The following ESRRB variants were observed in gnomAD, a reference collection of about 807,000 sequenced individuals.
ESRRB encodes estrogen related receptor beta.
Under a neutral mutation model 46.0 loss-of-function variants are expected in ESRRB, and 16 were observed. That is an observed-to-expected ratio of 0.35 (90% CI 0.24 to 0.53). The LOEUF is 0.53. Ranked by LOEUF, ESRRB falls within the 20% of genes least tolerant of loss-of-function variation. The pLI is 0.93. For synonymous variants in ESRRB, 246 were observed against 259.6 expected (o/e 0.95, Z 0.50); for missense variants, 488 against 607.4 (o/e 0.80, Z 2.07).
intron 1 of ESRRB, among the ~76,000 whole-genome samples, chr14:76,400,446 C>T (rs538784200): frequency 4.1e-4 from 63 of 152,298 alleles, no homozygotes; most frequent in African/African-American, 1.4e-3. Context: ...CAAAAGGAAC[C>T]GCTTCCATTG....
Position 76,498,764 on chromosome 14 carries a change from A to G in ESRRB, c.*306A>G. On this transcript the variant is annotated 3_prime_UTR_variant, in exon 7 of 7. Transcript: ENST00000644823. ...CTGACTCCCTTCAGGAGTGGAGGCC[A>G]CTGGAGCAAGTGCCCTCTCCCCTCC... 1.3e-6 allele frequency: 1 copy of G among 776,232 alleles called. No individual in the cohort carries two copies. Among genetic ancestry groups the G allele is most frequent in the Non-Finnish European group, 2.2e-6 (1 of 460,576 alleles). The allele number at this position is 776,232 out of a possible 1,614,324, so 48.1% of individuals were successfully genotyped here.
chr14:76,433,201 C>T (rs770068592), intron 1 of ESRRB, among the ~76,000 whole-genome samples: 3 of 152,094 alleles, frequency 2.0e-5, no homozygotes, highest in Non-Finnish European at 4.4e-5. Flanking sequence ...ACCTGTTCAC[C>T]AAGCCCCTCA....
rs771677012 is a variant in ESRRB, at chr14:76,491,433, C to T, written c.851-14C>T. ...CTGACCTGCTGCTGCCCTCTGTGCC[C>T]CCTCTTCCTGCAGGCTTCTCAAGCC... On this transcript the variant is annotated splice_polypyrimidine_tract_variant and intron_variant, in intron 5 of 6. Coordinates refer to ENST00000644823, the MANE Select transcript of ESRRB (RefSeq NM_001379180.1). 5 of 1,607,536 alleles carry T rather than the reference C, an allele frequency of 3.1e-6. No individual in the cohort carries two copies. The East Asian group carries it at 6.7e-5, about 22-fold the overall frequency.
intron 1 of ESRRB, among the ~76,000 whole-genome samples, chr14:76,418,843 T>C (rs576571376): frequency 6.6e-6 from 1 of 152,250 alleles, no homozygotes; most frequent in African/African-American, 2.4e-5. Context: ...CTCAAACTCC[T>C]GGCCTCAAGT....
chr14:76,318,852 A>T (rs1335478863), intron 1 of ESRRB, among the ~76,000 whole-genome samples: 1 of 152,246 alleles, frequency 6.6e-6, no homozygotes, highest in Non-Finnish European at 1.5e-5. Context: ...ACAGCTTGCC[A>T]GTATAGCAGA....
At chr14:76,318,791 C>A (rs1160291418) in intron 1 of ESRRB, among the ~76,000 whole-genome samples, 3 of 152,158 alleles carry the variant, frequency 2.0e-5, no homozygotes, top group African/African-American at 7.2e-5. Context: ...CCAGAAAGGC[C>A]AAGAAAGAGG....
chr14:76,484,296 G>A, intron 5 of ESRRB, among the ~76,000 whole-genome samples: 1 of 152,252 alleles, frequency 6.6e-6, no homozygotes, highest in Admixed American at 6.5e-5. Flanking sequence ...GGCAGGGACT[G>A]CCTGGTGGCC....
At chr14:76,387,828 T>C (rs982402450) in intron 1 of ESRRB, among the ~76,000 whole-genome samples, 3 of 152,204 alleles carry the variant, frequency 2.0e-5, no homozygotes, top group African/African-American at 7.2e-5. Flanking sequence ...TGAGGGGGGA[T>C]AGGAGAGCTA....
chr14:76,463,453 T>TGTTTTTTTTTTTTTTTTG (rs200059294), intron 3 of ESRRB: 1 of 139,144 alleles, frequency 7.2e-6, no homozygotes, highest in Non-Finnish European at 1.5e-5. Flanking sequence ...TTGTTTTTTT[T>TGTTTTTTTTTTTTTTTTG]TTTTTTTTTT....
chr14:76,386,302 A>G (rs1198104018), intron 1 of ESRRB, among the ~76,000 whole-genome samples: 4 of 152,188 alleles, frequency 2.6e-5, no homozygotes, highest in African/African-American at 4.8e-5. Context: ...CTTTTTTTGT[A>G]TAAGTAAATC....
intron 2 of ESRRB, among the ~76,000 whole-genome samples, chr14:76,454,715 TA>T (rs1212889001): frequency 6.6e-6 from 1 of 152,208 alleles, no homozygotes; most frequent in African/African-American, 2.4e-5. Flanking sequence ...GGTCAGATCA[TA>T]AAAGGCCTGG....
chr14:76,337,826 C>A (rs767271246), intron 1 of ESRRB, among the ~76,000 whole-genome samples: 2 of 152,246 alleles, frequency 1.3e-5, no homozygotes, highest in African/African-American at 2.4e-5. Context: ...CCTACTGCCA[C>A]GGCCTCAGGT....
intron 3 of ESRRB, among the ~76,000 whole-genome samples, chr14:76,478,755 T>C (rs551465505): frequency 3.9e-5 from 6 of 152,126 alleles, no homozygotes; most frequent in Non-Finnish European, 8.8e-5. Flanking sequence ...CAGAGGAGGC[T>C]TCTATGTAGA....
At chr14:76,392,936 T>TCCACATGTGTGA (rs1365751181) in intron 1 of ESRRB, among the ~76,000 whole-genome samples, 6 of 152,154 alleles carry the variant, frequency 3.9e-5, no homozygotes, top group African/African-American at 1.4e-4. Context: ...TTGGGGGTGG[T>TCCACATGTGTGA]CCACATGTGT....
chr14:76,432,412 A>G (rs60487527), intron 1 of ESRRB, among the ~76,000 whole-genome samples: 22,285 of 152,190 alleles, frequency 0.15, 3,443 homozygotes, highest in African/African-American at 0.39. Flanking sequence ...TTTGCGTCCC[A>G]GATTTCTGCT....
At chr14:76,333,483 A>G in intron 1 of ESRRB, among the ~76,000 whole-genome samples, 1 of 131,364 alleles carries the variant, frequency 7.6e-6, no homozygotes, top group South Asian at 2.2e-4. Context: ...ATATAAATAT[A>G]TATTATATAT....
At chr14:76,381,457 G>A (rs963436920) in intron 1 of ESRRB, among the ~76,000 whole-genome samples, 4 of 152,154 alleles carry the variant, frequency 2.6e-5, no homozygotes, top group East Asian at 1.9e-4. Context: ...TCCGTAGTTG[G>A]GAGGATTTTT....
intron 1 of ESRRB, among the ~76,000 whole-genome samples, chr14:76,352,910 C>T (rs146858935): frequency 1.3e-3 from 192 of 152,320 alleles, no homozygotes; most frequent in Admixed American, 1.8e-3. Context: ...CCGCGCGCCC[C>T]TCGCTGAGCG....
intron 1 of ESRRB, among the ~76,000 whole-genome samples, chr14:76,405,127 G>A (rs1051515806): frequency 6.6e-6 from 1 of 152,068 alleles, no homozygotes; most frequent in Non-Finnish European, 1.5e-5. Flanking sequence ...TTTAGATAGG[G>A]CCTCTCTCTG....
Sources: gnomAD v4.1 joint callset for allele counts (sites outside exome capture counted in the v4.1 genomes callset) on GRCh38, gnomAD v4.1.1 for gene constraint, MANE v1.5 for transcripts, NCBI Gene and HGNC (gene_info 2026-07-23, HGNC 2026-07-21) for gene names.